The following NEB variants were observed in gnomAD, a reference collection of about 807,000 sequenced individuals.
NEB encodes the protein nemaline myopathy type 2.
In NEB, 512 loss-of-function variants were observed where a neutral mutation model predicts 952.2. The observed-to-expected ratio is 0.54, with a 90% CI of 0.50 to 0.58. NEB has a LOEUF of 0.58. Among genes scored for constraint, NEB ranks in the 20% least tolerant of loss-of-function variants. The pLI is 0.00. For missense variants in NEB, 8,428 were observed against 9,231.1 expected, an observed-to-expected ratio of 0.91 and a Z score of 3.56; for synonymous variants, 2,900 against 3,149.8, an observed-to-expected ratio of 0.92 and a Z score of 2.66.
At position 151,666,143 on chromosome 2, in the gene NEB, G is replaced by T. The variant is rs776231831; in HGVS notation, c.4978C>A (p.Pro1660Thr). 83 of 1,613,790 alleles carry T rather than the reference G, an allele frequency of 5.1e-5. No individual in the cohort carries two copies. The Admixed American group carries it at 6.5e-4, about 13-fold the overall frequency. Reference protein sequence around the residue: ...RQSYHHYTLLPDALNVEHSRN... With the variant: ...RQSYHHYTLLTDALNVEHSRN... ...GAGTGCTCCACATTCAAGGCATCGG[G>T]CAGGAGAGTGTAGTGGTGGTATGAC... Residue 1660 changes from proline to threonine, a missense_variant, in exon 41 of 182, where the codon CCC becomes ACC. Coordinates refer to ENST00000397345, the MANE Select transcript of NEB (RefSeq NM_001164508.2).
chr2:151,731,037 G>T (rs2099806569), intron 3 of NEB, among the ~76,000 whole-genome samples: 1 of 152,086 alleles, frequency 6.6e-6, no homozygotes, highest in African/African-American at 2.4e-5. Context: ...TGATGCTGAC[G>T]CCACATAGAG....
intron 158 of NEB, 62 bp from the exon 159 acceptor site, chr2:151,514,490 A>G (rs2076510357): frequency 7.7e-7 from 1 of 1,301,210 alleles, no homozygotes; most frequent in African/African-American, 1.5e-5. Context: ...CTCTCAGGCA[A>G]AGAAGAAAAT....
intron 168 of NEB, among the ~76,000 whole-genome samples, chr2:151,500,738 C>T (rs1435723444): frequency 6.6e-6 from 1 of 151,878 alleles, no homozygotes; most frequent in Non-Finnish European, 1.5e-5. Context: ...GCTGAGACTA[C>T]AGGCATGTGC....
At chr2:151,646,730 A>G (rs929850810) in intron 54 of NEB, among the ~76,000 whole-genome samples, 18 of 152,108 alleles carry the variant, frequency 1.2e-4, no homozygotes, top group African/African-American at 4.1e-4. Flanking sequence ...GCTCACTGCA[A>G]CCTCTGCCTC....
intron 171 of NEB, 83 bp downstream of exon 171, chr2:151,497,543 T>C: frequency 6.7e-7 from 1 of 1,502,416 alleles, no homozygotes; most frequent in South Asian, 1.3e-5. Flanking sequence ...CTTTAAAAAG[T>C]AGGATTAATA....
chr2:151,733,606 TA>T (rs35883641), intron 2 of NEB, 105 bp downstream of exon 2: 15,270 of 157,968 alleles, frequency 0.097, 942 homozygotes, highest in African/African-American at 0.17. Flanking sequence ...AGGGCTGACT[TA>T]GTTTTCCATA....
At chr2:151,644,438 A>T (rs745488953) in intron 56 of NEB, 30 bp downstream of exon 56, 111 of 1,561,414 alleles carry the variant, frequency 7.1e-5, no homozygotes, top group Middle Eastern at 1.7e-4. Flanking sequence ...ATTGCAATCA[A>T]ATCAATATCA....
chr2:151,620,346 T>C (rs1463198724), intron 72 of NEB, among the ~76,000 whole-genome samples: 5 of 33,876 alleles, frequency 1.5e-4, no homozygotes, highest in Admixed American at 5.3e-4. Context: ...TGTATGTGTG[T>C]GTATATATAT....
chr2:151,491,565 G>T, intron 179 of NEB, 118 bp downstream of exon 179: 1 of 833,216 alleles, frequency 1.2e-6, no homozygotes, highest in Non-Finnish European at 2.0e-6. Context: ...TGCCAAATGG[G>T]CAGCTCAGAA....
At chr2:151,527,083 T>C (rs2086633621) in intron 147 of NEB, 61 bp from the exon 148 acceptor site, 3 of 1,149,280 alleles carry the variant, frequency 2.6e-6, no homozygotes, top group Non-Finnish European at 3.8e-6. Flanking sequence ...AAGCTGGGCA[T>C]TTGATTAAAC....
At chr2:151,626,773 C>T (rs1352536015) in intron 70 of NEB, among the ~76,000 whole-genome samples, 2 of 152,126 alleles carry the variant, frequency 1.3e-5, no homozygotes, top group African/African-American at 2.4e-5. Context: ...ATCCGCCTGC[C>T]TTGGCCTCCC....
At chr2:151,570,417 T>C (rs767947832) in intron 108 of NEB, 25 bp from the exon 109 acceptor site, 1 of 1,573,314 alleles carries the variant, frequency 6.4e-7, no homozygotes, top group Non-Finnish European at 8.6e-7. Flanking sequence ...ATAAAGCAGA[T>C]GGGTCACAGC....
In NEB at chr2:151,553,882, G is replaced by A. The variant is rs367646560; in HGVS notation, c.19572C>T (p.His6524=). The change falls in exon 126 of 182, where the codon CAC becomes CAT. Residue 6524 remains histidine, a synonymous_variant. Transcript: ENST00000397345. ...CGTGATCATTGACTTGCAAGTCGGG[G>A]TGGCAAATCCATTCGTGGAGGCGCA... The part of the protein sequence containing the change: ...YRLRLHEWIC[H]PDLQVNDHVR... 3 of 1,613,748 alleles carry A rather than the reference G, an allele frequency of 1.9e-6. No individual in the cohort carries two copies. Among genetic ancestry groups the A allele is most frequent in the Non-Finnish European group, 2.5e-6 (3 of 1,179,784 alleles).
chr2:151,654,018 T>A lies in NEB; in HGVS notation c.6889A>T (p.Lys2297Ter). 1 of 1,612,454 alleles carries A rather than the reference T, an allele frequency of 6.2e-7. No homozygotes were observed. Among genetic ancestry groups the A allele is most frequent in the Non-Finnish European group, 8.5e-7 (1 of 1,178,820 alleles). ...TCACTAGCAATGTCTCTTGAAGCTT[T>A]AGCTAGCTGTACAGAAATTGCATCA... ...PVDAISVQLAKASRDIASDYK... is the reference protein window; with the variant it reads ...PVDAISVQLA The change falls in exon 52 of 182, where the codon AAA becomes TAA. Residue 2297 changes from lysine (K) to a stop codon, truncating the protein, a stop_gained. Transcript: ENST00000397345. LOFTEE classifies it high-confidence loss of function.
At position 151,576,132 on chromosome 2, in the gene NEB, T is replaced by C. The variant is rs764184558; in HGVS notation, c.16908+19A>G. 1 of 1,544,632 alleles carries C rather than the reference T, an allele frequency of 6.5e-7. No individual in the cohort carries two copies. Among genetic ancestry groups the C allele is most frequent in the African/African-American group, 1.4e-5 (1 of 73,732 alleles). On this transcript the variant is annotated intron_variant, in intron 106 of 181. Coordinates refer to ENST00000397345, the MANE Select transcript of NEB (RefSeq NM_001164508.2). ...ATTTATGGCATTAATTCAATTTTAA[T>C]AGAGAAAAACTAACTCACAATACTA...
At position 151,502,831 on chromosome 2, in the gene NEB, T is replaced by C. The variant is rs1360597942; in HGVS notation, c.23890A>G (p.Met7964Val). The change falls in exon 167 of 182, where the codon ATG (methionine) becomes GTG (valine). Residue 7964 changes from methionine (M) to valine (V), a missense_variant. By Grantham distance (21) the Met-to-Val change is conservative. Around this residue, in one of 11 missense-constraint regions of NEB, gnomAD observed 3,374 missense variants for 3,651.5 expected, o/e 0.92. Transcript: ENST00000397345. ...KGIPTPITPE[M>V]ERVKRNQENF... ...TCTTGATTGCGTTTGACTCTCTCCA[T>C]CTCTGGAGTGATAGGTGTTGGGATT... 1 of 1,609,688 alleles carries C rather than the reference T, an allele frequency of 6.2e-7. No individual in the cohort carries two copies. The highest frequency in any genetic ancestry group is 8.5e-7 in the Non-Finnish European group (1 of 1,177,894).
chr2:151,670,779 G>C (rs1660562026), intron 38 of NEB, among the ~76,000 whole-genome samples: 1 of 152,166 alleles, frequency 6.6e-6, no homozygotes, highest in Admixed American at 6.5e-5. Flanking sequence ...CTTATGAATA[G>C]CACAGGCTCT....
chr2:151,639,450 G>T, intron 62 of NEB, 66 bp from the exon 63 acceptor site: 1 of 1,180,896 alleles, frequency 8.5e-7, no homozygotes, highest in Non-Finnish European at 1.1e-6. Flanking sequence ...GGAATTTTAG[G>T]GCCACAAAAA....
chr2:151,619,705 C>T lies in NEB; in HGVS notation c.10618G>A (p.Val3540Ile), dbSNP rs1358452379. 2.5e-6 allele frequency: 4 copies of T among 1,613,894 alleles called. No individual in the cohort carries two copies. Among genetic ancestry groups the T allele is most frequent in the Non-Finnish European group, 3.4e-6 (4 of 1,179,826 alleles). The change falls in exon 73 of 182, where the codon GTA (valine) becomes ATA (isoleucine). Residue 3540 changes from valine (V) to isoleucine (I), a missense_variant. Physicochemically the swap from Val to Ile is conservative, Grantham distance 29. Transcript: ENST00000397345. ...CACATTATCTTGGGGTCATCGTGTACTGCTCGGGCGCCAATGTGGTGACCC... is the reference window on the plus strand; with the variant it reads ...CACATTATCTTGGGGTCATCGTGTATTGCTCGGGCGCCAATGTGGTGACCC... ...QLGHHIGARA[V>I]HDDPKIMWSL...
Sources: allele counts gnomAD v4.1 joint callset (sites outside exome capture counted in the v4.1 genomes callset), GRCh38; gene constraint gnomAD v4.1.1; regional missense constraint gnomAD v4.1.1; transcripts MANE v1.5; gene names NCBI Gene and HGNC (gene_info 2026-07-23, HGNC 2026-07-21).